Variants in JADE3 observed in about 807,000 individuals in gnomAD.
JADE3 encodes jade family PHD finger 3.
JADE3 carries 2 observed loss-of-function variants against 50.1 expected under a neutral mutation model. The observed-to-expected ratio is 0.04, with a 90% CI of 0.02 to 0.13. The LOEUF (loss-of-function observed/expected upper bound fraction) is 0.13. Ranked by LOEUF, JADE3 falls within the 10% of genes least tolerant of loss-of-function variation. JADE3 has a pLI of 1.00. For synonymous variants in JADE3, 218 were observed against 232.9 expected (o/e 0.94, Z 0.58); for missense variants, 475 against 634.4 (o/e 0.75, Z 2.70).
intron 1 of JADE3, among the ~76,000 whole-genome samples, chrX:46,976,760 T>G: frequency 8.9e-6 from 1 of 111,978 alleles, no homozygotes. Context: ...TACAAATAAA[T>G]TTATTTGCTT....
chrX:46,917,775 CTCTCTCTCTCTAATGGGAGGTCTG>C (rs1926118684), intron 1 of JADE3, among the ~76,000 whole-genome samples: 3 of 107,275 alleles, frequency 2.8e-5, no homozygotes, highest in Admixed American at 1.0e-4. Flanking sequence ...TTCTCTCTCT[CTCTCTCTCTCTAATGGGAGGTCTG>C]TCTCTCTCTC....
intron 1 of JADE3, among the ~76,000 whole-genome samples, chrX:46,963,621 G>A (rs1405091889): frequency 8.9e-6 from 1 of 112,144 alleles, no homozygotes; most frequent in African/African-American, 3.2e-5. Context: ...TTATGCCTAT[G>A]GTCAACTACA....
At chrX:47,040,334 G>A (rs1043523324) in intron 8 of JADE3, among the ~76,000 whole-genome samples, 1 of 112,176 alleles carries the variant, frequency 8.9e-6, no homozygotes, top group African/African-American at 3.2e-5. Flanking sequence ...TGGTGAGCAA[G>A]TGAGCATTAC....
At chrX:47,029,168 C>T (rs967512092) in intron 6 of JADE3, among the ~76,000 whole-genome samples, 3 of 111,485 alleles carry the variant, frequency 2.7e-5, no homozygotes, top group African/African-American at 9.8e-5. Context: ...GCATCATATG[C>T]CAAGTGTTTT....
chrX:47,038,878 G>A, intron 7 of JADE3, 71 bp from the exon 8 acceptor site: 2 of 554,547 alleles, frequency 3.6e-6, no homozygotes, highest in Non-Finnish European at 6.3e-6. Flanking sequence ...ATGTAACATC[G>A]TTTATGGTTT....
chrX:47,038,925 C>T (rs376790060), intron 7 of JADE3, 24 bp from the exon 8 acceptor site: 249 of 904,515 alleles, frequency 2.8e-4, no homozygotes, highest in Non-Finnish European at 3.7e-4. Flanking sequence ...GTACTTCTGC[C>T]TTATGGTGGT....
chrX:47,057,372 T>C (rs1929650616), intron 10 of JADE3, among the ~76,000 whole-genome samples: 1 of 111,521 alleles, frequency 9.0e-6, no homozygotes. Context: ...AATTGTTTGA[T>C]AGTGCTTTTT....
At chrX:46,960,935 T>C (rs1927244945) in intron 1 of JADE3, among the ~76,000 whole-genome samples, 1 of 111,185 alleles carries the variant, frequency 9.0e-6, no homozygotes, top group Non-Finnish European at 1.9e-5. Flanking sequence ...ACTCGCACTC[T>C]CCACTCTACT....
intron 1 of JADE3, among the ~76,000 whole-genome samples, chrX:46,934,375 T>G (rs781983590): frequency 1.8e-5 from 2 of 109,577 alleles, no homozygotes; most frequent in South Asian, 8.0e-4. Flanking sequence ...CTCGGCTCAC[T>G]GCAAGCTCCG....
Position 47,007,807 on chromosome X carries a change from TTGTGTGTGTGTG to T in JADE3, c.284+9568_284+9579del, listed in dbSNP as rs782728907. On this transcript the variant is annotated intron_variant, in intron 4 of 10. Transcript: ENST00000614628. Reference sequence around the variant, plus strand: ...TAGGACTTCAGCGTGTCCTTTTATTTTGTGTGTGTGTGTGTGTGTGTGTGTGTGTGTGTGTGT... The same window carrying T: ...TAGGACTTCAGCGTGTCCTTTTATTTTGTGTGTGTGTGTGTGTGTGTGTGT... 5.9e-4 allele frequency among the ~76,000 whole-genome samples: 42 copies of T among 70,806 alleles called. No individual in the cohort carries two copies. The South Asian group carries it at 6.9e-3, about 12-fold the overall frequency. The allele number at this position is 70,806 out of a possible 115,157, so 61.5% of individuals were successfully genotyped here. A position where few individuals can be genotyped will look rare whatever the true frequency, so the allele number is the denominator to read the frequency against.
chrX:46,917,862 T>TCTCTCTCTCTCTCTCTCTCTCATC (rs1569533777), intron 1 of JADE3, among the ~76,000 whole-genome samples: 11 of 71,611 alleles, frequency 1.5e-4, no homozygotes, highest in Non-Finnish European at 1.8e-4. Context: ...TCTCATCCTC[T>TCTCTCTCTCTCTCTCTCTCTCATC]CTCTCTCTCT....
chrX:47,033,582 G>A, intron 6 of JADE3, 39 bp from the exon 7 acceptor site: 1 of 1,122,183 alleles, frequency 8.9e-7, no homozygotes, highest in Admixed American at 2.3e-5. Context: ...CTGGTGAGAA[G>A]GTGCTGACCA....
At chrX:46,934,593 C>G (rs1378117204) in intron 1 of JADE3, among the ~76,000 whole-genome samples, 1 of 110,329 alleles carries the variant, frequency 9.1e-6, no homozygotes, top group African/African-American at 3.3e-5. Flanking sequence ...TCACCGCGCC[C>G]GGCCTTTTTT....
chrX:47,002,184 T>G (rs1192916197), intron 4 of JADE3, among the ~76,000 whole-genome samples: 1 of 111,441 alleles, frequency 9.0e-6, no homozygotes, highest in African/African-American at 3.3e-5. Context: ...ACTTTTCACT[T>G]AGCTCTATGT....
intron 4 of JADE3, among the ~76,000 whole-genome samples, chrX:47,005,867 T>C (rs1410984207): frequency 2.7e-5 from 3 of 111,629 alleles, no homozygotes; most frequent in Non-Finnish European, 5.7e-5. Flanking sequence ...GGCCAAATGG[T>C]GAACTAGGTC....
At chrX:46,985,636 T>C (rs1384328291) in intron 2 of JADE3, 77 bp from the exon 3 acceptor site, 48 of 644,862 alleles carry the variant, frequency 7.4e-5, no homozygotes, top group South Asian at 5.3e-4. Context: ...TTCTCTTGGG[T>C]GACATTTAGT....
At chrX:47,046,841 C>G (rs1357230278) in intron 8 of JADE3, among the ~76,000 whole-genome samples, 4 of 112,151 alleles carry the variant, frequency 3.6e-5, no homozygotes, top group African/African-American at 1.3e-4. Context: ...CCTTGCATCC[C>G]TAGGATAAAT....
chrX:47,024,035 C>A lies in JADE3; in HGVS notation c.285-689C>A, dbSNP rs1556365025. On this transcript the variant is annotated intron_variant, in intron 4 of 10. Coordinates refer to ENST00000614628, the MANE Select transcript of JADE3 (RefSeq NM_014735.5). Reference sequence around the variant, plus strand: ...CTTTACCACCATCCAGTATTGTCTCCGTGACAGAAAATTATTAATTTGGCT... The same window carrying A: ...CTTTACCACCATCCAGTATTGTCTCAGTGACAGAAAATTATTAATTTGGCT... Among the ~76,000 whole-genome samples, 3 of 112,668 alleles carry A rather than the reference C, an allele frequency of 2.7e-5. No homozygotes were observed. The South Asian group carries it at 1.1e-3, about 41-fold the overall frequency.
intron 1 of JADE3, among the ~76,000 whole-genome samples, chrX:46,917,832 A>ACCC (rs1569533765): frequency 3.9e-3 from 31 of 8,026 alleles, no homozygotes; most frequent in African/African-American, 4.1e-3. Context: ...ACTCTCTCTC[A>ACCC]TCCTCTCTCT....
Sources: allele counts gnomAD v4.1 joint callset (sites outside exome capture counted in the v4.1 genomes callset), GRCh38; gene constraint gnomAD v4.1.1; transcripts MANE v1.5; gene names NCBI Gene and HGNC (gene_info 2026-07-23, HGNC 2026-07-21).